Variants in WWC2 observed in about 807,000 individuals in gnomAD.
WWC2 encodes WW and C2 domain containing 2.
In WWC2, 101 loss-of-function variants were observed where a neutral mutation model predicts 138.5. The observed-to-expected ratio is 0.73, with a 90% CI of 0.62 to 0.86. WWC2 has a LOEUF of 0.86. Among genes scored for constraint, WWC2 ranks in the 40% least tolerant of loss-of-function variants. The pLI, the probability that WWC2 is intolerant of heterozygous loss-of-function variation, is 0.00. For missense variants in WWC2, 1,420 were observed against 1,419.4 expected (o/e 1.00, Z -0.01); for synonymous variants, 558 against 538.4 (o/e 1.04, Z -0.50).
intron 22 of WWC2, among the ~76,000 whole-genome samples, chr4:183,314,636 A>C (rs1030950358): frequency 5.9e-5 from 9 of 152,232 alleles, no homozygotes; most frequent in African/African-American, 1.7e-4. Flanking sequence ...GAAGTTAGAA[A>C]TCAACAGTTT....
chr4:183,300,956 A>G (rs1040921631), intron 21 of WWC2, among the ~76,000 whole-genome samples: 2 of 152,130 alleles, frequency 1.3e-5, no homozygotes, highest in African/African-American at 4.8e-5. Context: ...CTTATTTCCT[A>G]TCTGATAAAA....
chr4:183,309,342 TAAA>T (rs1269533609), intron 21 of WWC2, among the ~76,000 whole-genome samples: 5 of 152,202 alleles, frequency 3.3e-5, no homozygotes, highest in Non-Finnish European at 7.3e-5. Flanking sequence ...TTATGTCTGA[TAAA>T]GGACTGTTAT....
In WWC2 at chr4:183,319,966, A is replaced by G. The variant is rs1315893156; in HGVS notation, c.*4237A>G. 1 of 1,613,378 alleles carries G rather than the reference A, an allele frequency of 6.2e-7. No individual in the cohort carries two copies. Among genetic ancestry groups the G allele is most frequent in the Non-Finnish European group, 8.5e-7 (1 of 1,179,600 alleles). On this transcript the variant is annotated 3_prime_UTR_variant, in exon 23 of 23. Coordinates refer to ENST00000403733, the MANE Select transcript of WWC2 (RefSeq NM_024949.6). Reference sequence around the variant, plus strand: ...AGAAATCCCAGCCCATTTGACAGAAACATTAAGATCCTGGAGACCCTGAGT... The same window carrying G: ...AGAAATCCCAGCCCATTTGACAGAAGCATTAAGATCCTGGAGACCCTGAGT...
chr4:183,132,457 CTTT>C (rs761800223), intron 1 of WWC2, among the ~76,000 whole-genome samples: 3 of 142,590 alleles, frequency 2.1e-5, no homozygotes, highest in Non-Finnish European at 1.5e-5. Context: ...TTTTCTGTTT[CTTT>C]TTTTTTTTTT....
At chr4:183,153,802 C>T (rs544739820) in intron 1 of WWC2, among the ~76,000 whole-genome samples, 5 of 151,554 alleles carry the variant, frequency 3.3e-5, no homozygotes, top group South Asian at 2.1e-4. Context: ...TGTGCCATCA[C>T]GCCCAGCTAA....
rs533359947 is a variant in WWC2 at position 183,114,429 on chromosome 4, T to C, written c.131+14807T>C. On this transcript the variant is annotated intron_variant, in intron 1 of 22. Coordinates refer to ENST00000403733, the MANE Select transcript of WWC2 (RefSeq NM_024949.6). ...AAGGTGTGAGACCCCTATGAAGACA[T>C]ACAAATAGAGAAATCTAGTAGACAC... is the stretch of plus-strand genomic sequence containing the variant. Among the ~76,000 whole-genome samples, 4 of 152,262 alleles carry C rather than the reference T, an allele frequency of 2.6e-5. No homozygotes were observed. The South Asian group carries it at 8.3e-4, about 32-fold the overall frequency.
chr4:183,198,117 T>A (rs1210585175), intron 2 of WWC2, among the ~76,000 whole-genome samples: 1 of 152,144 alleles, frequency 6.6e-6, no homozygotes, highest in African/African-American at 2.4e-5. Flanking sequence ...GTGGGCAGAT[T>A]GCTGGAGCCT....
intron 1 of WWC2, among the ~76,000 whole-genome samples, chr4:183,158,918 G>C (rs1733879360): frequency 1.3e-5 from 2 of 152,194 alleles, no homozygotes; most frequent in Admixed American, 1.3e-4. Flanking sequence ...GTTAGCACCA[G>C]ATGAATGGGT....
intron 16 of WWC2, among the ~76,000 whole-genome samples, chr4:183,277,132 C>T (rs1737884678): frequency 8.0e-6 from 1 of 124,742 alleles, no homozygotes. Context: ...CCTCCTCCCT[C>T]CCCCCTCCCC....
chr4:183,202,558 T>C (rs1049307667), intron 2 of WWC2, among the ~76,000 whole-genome samples: 3 of 152,196 alleles, frequency 2.0e-5, no homozygotes, highest in Non-Finnish European at 2.9e-5. Context: ...TAAATACATA[T>C]GTGGTGGAGT....
At chr4:183,288,044 A>G (rs10520554) in intron 20 of WWC2, among the ~76,000 whole-genome samples, 58,564 of 152,136 alleles carry the variant, frequency 0.38, 11,650 homozygotes, top group Admixed American at 0.49. Context: ...TTCTGATTCC[A>G]AAAAGTAAGT....
rs5741942 is a variant in WWC2 at position 183,159,713 on chromosome 4, CTTTT to C, written c.132-33873_132-33870del. ...AGCCACTGTACCTGCCTGAACTTACCTTTTTTTTTTTTTTTTAAAAAAAAAAAAT... is the reference window on the plus strand; with the variant it reads ...AGCCACTGTACCTGCCTGAACTTACCTTTTTTTTTTTTAAAAAAAAAAAAT... On this transcript the variant is annotated intron_variant, in intron 1 of 22. Coordinates refer to ENST00000403733, the MANE Select transcript of WWC2 (RefSeq NM_024949.6). Among the ~76,000 whole-genome samples, 715 of 142,078 alleles carry C rather than the reference CTTTT, an allele frequency of 5.0e-3. 5 individuals are homozygous for C. Among genetic ancestry groups the C allele is most frequent in the African/African-American group, 0.014 (531 of 38,534 alleles). The allele number at this position is 142,078 out of a possible 152,430, so 93.2% of individuals were successfully genotyped here.
chr4:183,165,071 A>G (rs1226769150), intron 1 of WWC2, among the ~76,000 whole-genome samples: 1 of 152,214 alleles, frequency 6.6e-6, no homozygotes, highest in Non-Finnish European at 1.5e-5. Flanking sequence ...GGGTCTGTGC[A>G]TTTCACATTC....
At chr4:183,290,151 A>G (rs1249247065) in intron 21 of WWC2, among the ~76,000 whole-genome samples, 3 of 152,160 alleles carry the variant, frequency 2.0e-5, no homozygotes, top group Admixed American at 6.5e-5. Context: ...CATTTTGCTT[A>G]TTGACATTCT....
chr4:183,162,929 C>A (rs562301944), intron 1 of WWC2, among the ~76,000 whole-genome samples: 1 of 152,206 alleles, frequency 6.6e-6, no homozygotes, highest in East Asian at 1.9e-4. Context: ...GCCTTTATTT[C>A]CTGGTGTTCC....
chr4:183,116,672 G>C (rs1732421117), intron 1 of WWC2, among the ~76,000 whole-genome samples: 1 of 152,206 alleles, frequency 6.6e-6, no homozygotes, highest in Non-Finnish European at 1.5e-5. Context: ...TAACAACTTA[G>C]CCACACATAA....
intron 1 of WWC2, among the ~76,000 whole-genome samples, chr4:183,170,929 C>G (rs7662965): frequency 0.98 from 149,478 of 152,086 alleles, 73,505 homozygotes; most frequent in Middle Eastern, 1. Context: ...ATCCTCCTGC[C>G]TCAGTCTCCT....
intron 1 of WWC2, among the ~76,000 whole-genome samples, chr4:183,116,219 A>G (rs1732404317): frequency 6.6e-6 from 1 of 152,086 alleles, no homozygotes; most frequent in African/African-American, 2.4e-5. Flanking sequence ...TGCACCATTC[A>G]CTGGAACATA....
chr4:183,286,582 A>G (rs1580150121), intron 20 of WWC2, among the ~76,000 whole-genome samples: 1 of 152,196 alleles, frequency 6.6e-6, no homozygotes, highest in East Asian at 1.9e-4. Context: ...AGCCTTAAGG[A>G]TAAGTCTAAG....
Sources: allele counts gnomAD v4.1 joint callset (sites outside exome capture counted in the v4.1 genomes callset), GRCh38; gene constraint gnomAD v4.1.1; transcripts MANE v1.5; gene names NCBI Gene and HGNC (gene_info 2026-07-23, HGNC 2026-07-21).